ESRRG: variants seen among roughly 807,000 people sequenced by gnomAD.
ESRRG encodes estrogen related receptor gamma.
ESRRG carries 13 observed loss-of-function variants against 44.0 expected under a neutral mutation model. That is an observed-to-expected ratio of 0.30 (90% CI 0.19 to 0.47). The LOEUF (loss-of-function observed/expected upper bound fraction) is 0.47, where lower values mean the gene tolerates loss of function less well. Ranked by LOEUF, ESRRG falls within the 20% of genes least tolerant of loss-of-function variation. The pLI, the probability that ESRRG is intolerant of heterozygous loss-of-function variation, is 1.00. For missense variants in ESRRG, 395 were observed against 580.6 expected, an observed-to-expected ratio of 0.68 and a Z score of 3.29; for synonymous variants, 215 against 214.6, an observed-to-expected ratio of 1.00 and a Z score of -0.02.
Position 216,767,410 on chromosome 1 carries a change from A to G in ESRRG, c.-13-89919T>C, listed in dbSNP as rs144061302. On this transcript the variant is annotated intron_variant, in intron 2 of 7. Transcript: ENST00000359162. ...ATGCCATCTAGATATGTTAACTGCA[A>G]TCTAATCACCTGCAATGTTTATCAT... 6.2e-4 allele frequency among the ~76,000 whole-genome samples: 95 copies of G among 152,258 alleles called. 3 individuals are homozygous for G. In the South Asian group the frequency reaches 0.019, roughly 31 times the overall value.
At chr1:216,793,882 G>A (rs1285283707) in intron 2 of ESRRG, among the ~76,000 whole-genome samples, 1 of 151,638 alleles carries the variant, frequency 6.6e-6, no homozygotes, top group Non-Finnish European at 1.5e-5. Context: ...CTGAATGAAT[G>A]ATCCTCTCCT....
At chr1:217,132,540 C>T (rs1231987160) in intron 1 of ESRRG, among the ~76,000 whole-genome samples, 1 of 152,130 alleles carries the variant, frequency 6.6e-6, no homozygotes, top group Non-Finnish European at 1.5e-5. Flanking sequence ...GCCAGTGGCA[C>T]CACGAAAAAC....
At chr1:216,925,424 G>A (rs886207328) in intron 2 of ESRRG, among the ~76,000 whole-genome samples, 10 of 151,718 alleles carry the variant, frequency 6.6e-5, no homozygotes, top group Admixed American at 2.6e-4. Context: ...GGGACAGAGC[G>A]AGACTCCGTC....
intron 2 of ESRRG, among the ~76,000 whole-genome samples, chr1:216,658,372 A>G (rs985845636): frequency 4.6e-5 from 7 of 152,122 alleles, no homozygotes; most frequent in African/African-American, 1.7e-4. Context: ...TTCCTTTATC[A>G]CTTTAATTCT....
intron 1 of ESRRG, among the ~76,000 whole-genome samples, chr1:217,115,006 C>T (rs911605513): frequency 6.6e-6 from 1 of 152,086 alleles, no homozygotes; most frequent in African/African-American, 2.4e-5. Flanking sequence ...GAGGGATCTG[C>T]TTTGTGTAGG....
chr1:216,860,911 G>A (rs550704678), intron 2 of ESRRG, among the ~76,000 whole-genome samples: 2 of 152,200 alleles, frequency 1.3e-5, no homozygotes, highest in South Asian at 2.1e-4. Context: ...AATGTAGTGT[G>A]GGGTTTATAA....
At chr1:216,578,514 C>T (rs1558612025) in intron 3 of ESRRG, among the ~76,000 whole-genome samples, 1 of 151,966 alleles carries the variant, frequency 6.6e-6, no homozygotes, top group Non-Finnish European at 1.5e-5. Flanking sequence ...AATTGTAAGT[C>T]TTAGTAGAAT....
At chr1:216,858,646 A>T (rs2095996756) in intron 2 of ESRRG, among the ~76,000 whole-genome samples, 1 of 152,144 alleles carries the variant, frequency 6.6e-6, no homozygotes, top group Non-Finnish European at 1.5e-5. Flanking sequence ...TTGCATTCTC[A>T]CAAGAACTCT....
intron 2 of ESRRG, among the ~76,000 whole-genome samples, chr1:216,657,112 T>C (rs11572698): frequency 1.8e-4 from 28 of 152,192 alleles, no homozygotes; most frequent in Non-Finnish European, 3.1e-4. Context: ...TTTCCTTTTT[T>C]TCTTTGTTTT....
intron 3 of ESRRG, among the ~76,000 whole-genome samples, chr1:216,613,827 A>G (rs10863259): frequency 0.63 from 96,046 of 152,030 alleles, 30,427 homozygotes; most frequent in African/African-American, 0.69. Flanking sequence ...GGATATGAAT[A>G]GGAGAACTAG....
intron 1 of ESRRG, among the ~76,000 whole-genome samples, chr1:217,111,342 C>A (rs2092659347): frequency 6.6e-6 from 1 of 152,100 alleles, no homozygotes; most frequent in Non-Finnish European, 1.5e-5. Context: ...CCAGCTCACC[C>A]AAACAAAAGG....
chr1:216,852,047 G>T (rs1417140056), intron 2 of ESRRG, among the ~76,000 whole-genome samples: 1 of 152,166 alleles, frequency 6.6e-6, no homozygotes, highest in Admixed American at 6.5e-5. Context: ...AACCTGTTGC[G>T]GCTGAGAAGT....
In ESRRG at chr1:216,504,461, C is replaced by T. The variant is rs185720750; in HGVS notation, c.*2478G>A. The stretch of plus-strand genomic sequence containing the variant: ...GATTTATCTAGAATCACACTACAGT[C>T]ACTTCTCTACTGAGAAACCACAATC... On this transcript the variant is annotated 3_prime_UTR_variant, in exon 7 of 7. Transcript: ENST00000408911. The T allele has an allele frequency of 7.9e-5, 12 of 152,634 alleles. No individual in the cohort carries two copies. Among genetic ancestry groups the T allele is most frequent in the Admixed American group, 1.3e-4 (2 of 15,270 alleles). The allele number at this position is 152,634 out of a possible 1,614,324, so 9.5% of individuals were successfully genotyped here. A position where few individuals can be genotyped will look rare whatever the true frequency, so the allele number is the denominator to read the frequency against.
At chr1:216,992,308 CA>C (rs1255678342) in intron 1 of ESRRG, among the ~76,000 whole-genome samples, 8 of 152,290 alleles carry the variant, frequency 5.3e-5, no homozygotes, top group Admixed American at 2.6e-4. Context: ...TAAAACTAAA[CA>C]AACATCAAAG....
intron 3 of ESRRG, among the ~76,000 whole-genome samples, chr1:216,588,179 A>G (rs191764731): frequency 6.6e-6 from 1 of 152,278 alleles, no homozygotes; most frequent in Non-Finnish European, 1.5e-5. Context: ...TTTATTTTCA[A>G]TCTAACGATT....
chr1:216,815,598 T>G (rs2095109285), intron 2 of ESRRG, among the ~76,000 whole-genome samples: 1 of 152,168 alleles, frequency 6.6e-6, no homozygotes, highest in Admixed American at 6.5e-5. Flanking sequence ...CTCCCTGGCT[T>G]GGCTGCACCT....
intron 1 of ESRRG, among the ~76,000 whole-genome samples, chr1:217,123,457 T>G (rs150773307): frequency 1.1e-4 from 16 of 152,302 alleles, no homozygotes; most frequent in African/African-American, 3.8e-4. Flanking sequence ...TGCACATGTA[T>G]GTTCATTGCA....
chr1:217,085,418 C>CA (rs1030741194), intron 1 of ESRRG, among the ~76,000 whole-genome samples: 28 of 144,462 alleles, frequency 1.9e-4, no homozygotes, highest in African/African-American at 6.9e-4. Flanking sequence ...AGATTAGGTT[C>CA]AAAATTATCT....
Position 216,799,490 on chromosome 1 carries a change from A to C in ESRRG, c.-13-121999T>G, listed in dbSNP as rs569417492. Among the ~76,000 whole-genome samples, 2 of 152,064 alleles carry C rather than the reference A, an allele frequency of 1.3e-5. 1 individual carries two copies. The highest frequency in any genetic ancestry group is 4.1e-4 in the South Asian group (2 of 4,820). ...GAGGCACAATGAAGAGGGACCCTTG[A>C]CCTCCAGGAGCTCACAATTTACCTG... is the stretch of plus-strand genomic sequence containing the variant. On this transcript the variant is annotated intron_variant, in intron 2 of 7. Transcript: ENST00000359162.
Sources: gnomAD v4.1 joint callset for allele counts (sites outside exome capture counted in the v4.1 genomes callset) on GRCh38, gnomAD v4.1.1 for gene constraint, MANE v1.5 for transcripts, NCBI Gene and HGNC (gene_info 2026-07-23, HGNC 2026-07-21) for gene names.